The following UNC13C variants were observed in gnomAD, a reference collection of about 807,000 sequenced individuals.
The protein encoded by UNC13C is unc-13 homolog C.
UNC13C carries 174 observed loss-of-function variants against 245.4 expected under a neutral mutation model. The ratio of observed to expected loss-of-function variants is 0.71; its 90% confidence interval spans 0.63 to 0.80. The LOEUF (loss-of-function observed/expected upper bound fraction) is 0.80, where lower values mean the gene tolerates loss of function less well. UNC13C is among the 30% of genes least tolerant of loss of function. The probability of loss-of-function intolerance (pLI) is 0.00; values close to 1 mark genes in which losing one functional copy is unlikely to be tolerated. For synonymous variants in UNC13C, 992 were observed against 895.1 expected, an observed-to-expected ratio of 1.11 and a Z score of -1.93; for missense variants, 2,829 against 2,602.9, an observed-to-expected ratio of 1.09 and a Z score of -1.89.
chr15:53,840,302 G>T, the UNC13C span, among the ~76,000 whole-genome samples: 1 of 152,084 alleles, frequency 6.6e-6, no homozygotes, highest in Non-Finnish European at 1.5e-5. Context: ...TATTCTAAAT[G>T]TCTAATAATT....
the UNC13C span, among the ~76,000 whole-genome samples, chr15:53,916,817 A>C: frequency 6.6e-6 from 1 of 152,190 alleles, no homozygotes; most frequent in Admixed American, 6.5e-5. Flanking sequence ...TAAAGAAACT[A>C]TGTATTCCCG....
At chr15:54,050,378 T>C (rs1026718157) in intron 2 of UNC13C, 2 of 559,076 alleles carry the variant, frequency 3.6e-6, no homozygotes, top group Non-Finnish European at 3.6e-6. Flanking sequence ...TCCTCCTTTT[T>C]CTGTACTTGA....
At chr15:54,106,779 A>G (rs1900469845) in intron 2 of UNC13C, among the ~76,000 whole-genome samples, 1 of 152,238 alleles carries the variant, frequency 6.6e-6, no homozygotes, top group South Asian at 2.1e-4. Context: ...AAACCAGCCC[A>G]TGTGATTAAT....
chr15:54,471,506 G>A (rs1033781050), intron 19 of UNC13C, among the ~76,000 whole-genome samples: 2 of 151,390 alleles, frequency 1.3e-5, no homozygotes, highest in Non-Finnish European at 3.0e-5. Context: ...AATAAGTATA[G>A]ATGCCCCCAT....
intron 25 of UNC13C, among the ~76,000 whole-genome samples, chr15:54,527,057 C>G (rs1013940007): frequency 5.3e-5 from 8 of 152,288 alleles, no homozygotes; most frequent in Non-Finnish European, 1.2e-4. Flanking sequence ...AGCTGCTGAG[C>G]CAGAGCAGCC....
chr15:54,553,558 G>T (rs952869584), intron 28 of UNC13C, among the ~76,000 whole-genome samples: 5 of 146,502 alleles, frequency 3.4e-5, no homozygotes, highest in African/African-American at 1.2e-4. Context: ...CATATAATCA[G>T]ATTTATTTGA....
intron 30 of UNC13C, among the ~76,000 whole-genome samples, chr15:54,577,684 C>A (rs1405208667): frequency 6.6e-6 from 1 of 152,152 alleles, no homozygotes; most frequent in Non-Finnish European, 1.5e-5. Flanking sequence ...ACTCCTTCCT[C>A]CCCTCATGGT....
intron 1 of UNC13C, among the ~76,000 whole-genome samples, chr15:53,997,533 G>A (rs1288735925): frequency 1.3e-5 from 2 of 151,944 alleles, no homozygotes; most frequent in Admixed American, 6.5e-5. Context: ...TACAATTTTA[G>A]TTCAGCTGAA....
intron 2 of UNC13C, among the ~76,000 whole-genome samples, chr15:54,033,127 C>G (rs1339406799): frequency 2.0e-5 from 3 of 151,898 alleles, no homozygotes; most frequent in Non-Finnish European, 4.4e-5. Flanking sequence ...TCCCTAAAAA[C>G]CTATGGAAAT....
the UNC13C span, among the ~76,000 whole-genome samples, chr15:53,886,054 A>G: frequency 1.1e-4 from 16 of 152,318 alleles, no homozygotes; most frequent in East Asian, 3.1e-3. Context: ...GGAATGATCT[A>G]TATGGTAATG....
the UNC13C span, among the ~76,000 whole-genome samples, chr15:53,888,809 CT>C: frequency 2.0e-5 from 3 of 152,164 alleles, no homozygotes; most frequent in South Asian, 6.2e-4. Flanking sequence ...GATAGGGTAT[CT>C]TTTCCCCATT....
At chr15:54,194,883 G>A (rs992736499) in intron 4 of UNC13C, among the ~76,000 whole-genome samples, 1 of 151,984 alleles carries the variant, frequency 6.6e-6, no homozygotes, top group African/African-American at 2.4e-5. Context: ...ATGTTTTTGT[G>A]AGAAAAAAAT....
At chr15:54,167,360 G>C (rs1290498342) in intron 4 of UNC13C, among the ~76,000 whole-genome samples, 1 of 151,470 alleles carries the variant, frequency 6.6e-6, no homozygotes, top group Non-Finnish European at 1.5e-5. Flanking sequence ...AAATTAGCCG[G>C]GCGTGATGGT....
At chr15:54,253,906 A>G (rs2036216002) in intron 8 of UNC13C, among the ~76,000 whole-genome samples, 1 of 152,244 alleles carries the variant, frequency 6.6e-6, no homozygotes, top group Non-Finnish European at 1.5e-5. Flanking sequence ...CAAAGAAGGA[A>G]TCCCAGAGTC....
At chr15:53,924,051 A>C in the UNC13C span, among the ~76,000 whole-genome samples, 1 of 151,948 alleles carries the variant, frequency 6.6e-6, no homozygotes, top group African/African-American at 2.4e-5. Context: ...AAAAACACAC[A>C]AAAAAATTAG....
chr15:54,511,727 A>T lies in UNC13C; in HGVS notation c.5380-26A>T. On this transcript the variant is annotated intron_variant, in intron 23 of 32. Coordinates refer to ENST00000260323, the MANE Select transcript of UNC13C (RefSeq NM_001080534.3). ...AATTTTATATAAAAAGATTGCTCAT[A>T]ATAGTCTTTTTTTCTATATTTAAAG... is the stretch of plus-strand genomic sequence containing the variant. 2.0e-6 allele frequency: 3 copies of T among 1,511,410 alleles called. No homozygotes were observed. The South Asian group carries it at 3.7e-5, about 19-fold the overall frequency. 93.6% of individuals were successfully genotyped at this position (1,511,410 alleles called of 1,614,324 possible).
At chr15:54,023,299 C>A (rs987308396) in intron 2 of UNC13C, among the ~76,000 whole-genome samples, 1 of 152,208 alleles carries the variant, frequency 6.6e-6, no homozygotes, top group African/African-American at 2.4e-5. Context: ...CTTTCCCTGA[C>A]ATCCTGTTGC....
chr15:54,146,643 T>C (rs1450701230), intron 4 of UNC13C, among the ~76,000 whole-genome samples: 1 of 152,230 alleles, frequency 6.6e-6, no homozygotes, highest in Non-Finnish European at 1.5e-5. Flanking sequence ...GAAAGATACA[T>C]GTTTTGGTGA....
At chr15:54,051,441 T>C (rs564799509) in intron 2 of UNC13C, among the ~76,000 whole-genome samples, 14 of 152,208 alleles carry the variant, frequency 9.2e-5, no homozygotes, top group South Asian at 8.3e-4. Context: ...GGGTTTTTTT[T>C]CCTGGACTTC....
Sources: allele counts gnomAD v4.1 joint callset (sites outside exome capture counted in the v4.1 genomes callset), GRCh38; gene constraint gnomAD v4.1.1; transcripts MANE v1.5; gene names NCBI Gene and HGNC (gene_info 2026-07-23, HGNC 2026-07-21).